Variants in NDUFV2 observed in about 807,000 individuals in gnomAD.
NDUFV2 encodes NADH:ubiquinone oxidoreductase core subunit V2.
Under a neutral mutation model 31.6 loss-of-function variants are expected in NDUFV2, and 18 were observed. The observed-to-expected ratio is 0.57, with a 90% CI of 0.39 to 0.84. The LOEUF (loss-of-function observed/expected upper bound fraction) is 0.84. Ranked by LOEUF, NDUFV2 falls within the 40% of genes least tolerant of loss-of-function variation. The probability of loss-of-function intolerance (pLI) is 0.00; values close to 1 mark genes in which losing one functional copy is unlikely to be tolerated. For missense variants in NDUFV2, 314 were observed against 303.6 expected (o/e 1.03, Z -0.26); for synonymous variants, 83 against 99.8 (o/e 0.83, Z 1.01).
chr18:9,118,110 C>T (rs2144740101), intron 2 of NDUFV2, among the ~76,000 whole-genome samples: 1 of 152,280 alleles, frequency 6.6e-6, no homozygotes, highest in Middle Eastern at 3.4e-3. Flanking sequence ...ATCAGGAAAA[C>T]TCTGGGAATA....
intron 1 of NDUFV2, among the ~76,000 whole-genome samples, chr18:9,111,539 C>T (rs568525706): frequency 6.6e-6 from 1 of 152,024 alleles, no homozygotes; most frequent in African/African-American, 2.4e-5. Flanking sequence ...AGCGATTCTC[C>T]TGCCTCAGCC....
chr18:9,118,771 C>A (rs1245858829), intron 2 of NDUFV2, among the ~76,000 whole-genome samples: 2 of 130,870 alleles, frequency 1.5e-5, no homozygotes, highest in Non-Finnish European at 3.2e-5. Context: ...GATAAAGCTT[C>A]TTGCTGTTGG....
At chr18:9,117,615 A>G (rs773574633) in intron 1 of NDUFV2, 33 of 481,560 alleles carry the variant, frequency 6.9e-5, no homozygotes, top group South Asian at 1.4e-4. Context: ...TGGTTCTCCT[A>G]TTGACTCGTG....
intron 6 of NDUFV2, 52 bp downstream of exon 6, chr18:9,125,035 C>G (rs764488493): frequency 6.5e-7 from 1 of 1,534,730 alleles, no homozygotes; most frequent in South Asian, 1.2e-5. Context: ...ATATTTAAAA[C>G]ATTTTAAATA....
chr18:9,104,192 G>A, intron 1 of NDUFV2: 4 of 1,612,090 alleles, frequency 2.5e-6, no homozygotes, highest in Non-Finnish European at 3.4e-6. Context: ...GAAAAAGATC[G>A]GTATGTATGA....
intron 6 of NDUFV2, among the ~76,000 whole-genome samples, chr18:9,125,305 CATT>C (rs1250344699): frequency 6.6e-6 from 1 of 152,118 alleles, no homozygotes; most frequent in Non-Finnish European, 1.5e-5. Context: ...TCATCATCAT[CATT>C]TGTAGAAATA....
chr18:9,106,207 TC>T (rs2077841091), intron 1 of NDUFV2, among the ~76,000 whole-genome samples: 1 of 152,216 alleles, frequency 6.6e-6, no homozygotes, highest in African/African-American at 2.4e-5. Flanking sequence ...TTCTGGCTCT[TC>T]CTTTTCTAGG....
chr18:9,113,722 A>G (rs1464838370), intron 1 of NDUFV2, among the ~76,000 whole-genome samples: 1 of 152,212 alleles, frequency 6.6e-6, no homozygotes, highest in Non-Finnish European at 1.5e-5. Flanking sequence ...ATAGAAAAGC[A>G]CTGTGAAAAT....
intron 4 of NDUFV2, among the ~76,000 whole-genome samples, 155 bp downstream of exon 4, chr18:9,119,745 T>C (rs1309419978): frequency 1.3e-5 from 2 of 152,198 alleles, no homozygotes; most frequent in African/African-American, 4.8e-5. Flanking sequence ...TCTTTGTGTT[T>C]TTGTTCATTC....
intron 1 of NDUFV2, chr18:9,117,323 C>T (rs902358327): frequency 6.4e-6 from 1 of 156,538 alleles, no homozygotes; most frequent in African/African-American, 2.4e-5. Flanking sequence ...GCATGAACCA[C>T]CACACCCGGC....
At chr18:9,118,605 G>A (rs2077911193) in intron 2 of NDUFV2, among the ~76,000 whole-genome samples, 2 of 152,166 alleles carry the variant, frequency 1.3e-5, no homozygotes, top group South Asian at 4.2e-4. Flanking sequence ...AACTCCGAGA[G>A]TTAACATATC....
At chr18:9,110,583 C>G (rs1029807592) in intron 1 of NDUFV2, among the ~76,000 whole-genome samples, 1 of 152,184 alleles carries the variant, frequency 6.6e-6, no homozygotes, top group Admixed American at 6.5e-5. Context: ...TCATGGCTCG[C>G]TGCAACCTCA....
At chr18:9,125,902 T>A (rs1431142412) in intron 6 of NDUFV2, among the ~76,000 whole-genome samples, 1 of 152,186 alleles carries the variant, frequency 6.6e-6, no homozygotes, top group Non-Finnish European at 1.5e-5. Context: ...CAGTTTACTC[T>A]TATAATGAGG....
At chr18:9,108,689 A>ATT (rs11291545) in intron 1 of NDUFV2, among the ~76,000 whole-genome samples, 1,617 of 123,000 alleles carry the variant, frequency 0.013, 23 homozygotes, top group Non-Finnish European at 0.019. Flanking sequence ...TTTTCATGGA[A>ATT]TTTTTTTTTT....
chr18:9,104,343 A>C, intron 1 of NDUFV2: 2 of 1,528,970 alleles, frequency 1.3e-6, no homozygotes, highest in Admixed American at 3.8e-5. Context: ...AAAGGTTTTA[A>C]AGTAGAGGAA....
chr18:9,111,499 G>A (rs969242159), intron 1 of NDUFV2, among the ~76,000 whole-genome samples: 2 of 151,598 alleles, frequency 1.3e-5, no homozygotes, highest in Admixed American at 1.3e-4. Context: ...CACGAGCTGG[G>A]CTCACTGCAA....
At position 9,102,716 on chromosome 18, in the gene NDUFV2, C is replaced by T. The variant is rs774043223; in HGVS notation, c.-28C>T. ...CGCTCGGGATTCTCGCCTGGCGCGG[C>T]TGGGGAAGGTGAACAGTGTGGCCCG... On this transcript the variant is annotated 5_prime_UTR_variant, in exon 1 of 8. Coordinates refer to ENST00000318388, the MANE Select transcript of NDUFV2 (RefSeq NM_021074.5). 40 of 1,574,388 alleles carry T rather than the reference C, an allele frequency of 2.5e-5. No individual in the cohort carries two copies. The Admixed American group carries it at 2.7e-4, about 11-fold the overall frequency.
At chr18:9,109,435 G>A (rs1372205062) in intron 1 of NDUFV2, among the ~76,000 whole-genome samples, 1 of 152,158 alleles carries the variant, frequency 6.6e-6, no homozygotes, top group African/African-American at 2.4e-5. Context: ...CATTTATAAT[G>A]CAAATGTCTG....
intron 1 of NDUFV2, chr18:9,105,006 C>T (rs1469823239): frequency 6.6e-7 from 1 of 1,517,370 alleles, no homozygotes; most frequent in Admixed American, 1.9e-5. Flanking sequence ...GTAGCCTGCT[C>T]TTTTGTAATG....
Sources: gnomAD v4.1 joint callset for allele counts (sites outside exome capture counted in the v4.1 genomes callset) on GRCh38, gnomAD v4.1.1 for gene constraint, MANE v1.5 for transcripts, NCBI Gene and HGNC (gene_info 2026-07-23, HGNC 2026-07-21) for gene names.